Variants in GABRB1 observed in about 807,000 individuals in gnomAD.
The protein encoded by GABRB1 is gamma-aminobutyric acid receptor subunit beta-1.
Under a neutral mutation model 51.6 loss-of-function variants are expected in GABRB1, and 17 were observed. That is an observed-to-expected ratio of 0.33 (90% CI 0.23 to 0.49). The LOEUF (loss-of-function observed/expected upper bound fraction) is 0.49. Among genes scored for constraint, GABRB1 ranks in the 20% least tolerant of loss-of-function variants. The pLI is 0.99. For synonymous variants in GABRB1, 247 were observed against 218.9 expected (o/e 1.13, Z -1.14); for missense variants, 410 against 600.6 (o/e 0.68, Z 3.32).
Position 47,064,493 on chromosome 4 carries a change from C to A in GABRB1, c.240+32009C>A, listed in dbSNP as rs137898034. 8.6e-3 allele frequency among the ~76,000 whole-genome samples: 1,309 copies of A among 151,898 alleles called. 72 individuals are homozygous for A. Among genetic ancestry groups the A allele is most frequent in the Admixed American group, 0.073 (1,110 of 15,246 alleles). On this transcript the variant is annotated intron_variant, in intron 3 of 8. Transcript: ENST00000295454. ...CTACTACAAATACAAAAAAAATTAG[C>A]CAGGAGTGGTGGCACATGCCTGTAA...
chr4:47,155,578 G>A (rs1266979944), intron 3 of GABRB1, among the ~76,000 whole-genome samples: 1 of 151,702 alleles, frequency 6.6e-6, no homozygotes, highest in Non-Finnish European at 1.5e-5. Context: ...CAGACTATGG[G>A]GGCAGTGAAC....
At chr4:47,086,903 C>T (rs1020512544) in intron 3 of GABRB1, among the ~76,000 whole-genome samples, 1 of 152,182 alleles carries the variant, frequency 6.6e-6, no homozygotes, top group Admixed American at 6.5e-5. Context: ...ACTCATTCTC[C>T]TAATTCTGCT....
At chr4:47,036,457 G>C (rs991380541) in intron 3 of GABRB1, among the ~76,000 whole-genome samples, 1 of 152,152 alleles carries the variant, frequency 6.6e-6, no homozygotes, top group Non-Finnish European at 1.5e-5. Context: ...TTCCAAATCA[G>C]AGGTGTGGGA....
At chr4:47,157,721 G>A (rs1433385412) in intron 3 of GABRB1, among the ~76,000 whole-genome samples, 3 of 151,994 alleles carry the variant, frequency 2.0e-5, no homozygotes, top group African/African-American at 7.2e-5. Flanking sequence ...GTGTATTTTA[G>A]TCCTTCCATA....
chr4:47,120,548 T>G (rs1252644259), intron 3 of GABRB1, among the ~76,000 whole-genome samples: 1 of 152,134 alleles, frequency 6.6e-6, no homozygotes, highest in Non-Finnish European at 1.5e-5. Context: ...ATGGAGTCTC[T>G]CCTCATAATC....
chr4:47,089,411 A>G (rs1217606821), intron 3 of GABRB1, among the ~76,000 whole-genome samples: 2 of 152,190 alleles, frequency 1.3e-5, no homozygotes, highest in Non-Finnish European at 2.9e-5. Context: ...AAAGTGGTCT[A>G]TGTGTCAACA....
At chr4:47,052,566 T>C (rs1418233542) in intron 3 of GABRB1, among the ~76,000 whole-genome samples, 1 of 152,234 alleles carries the variant, frequency 6.6e-6, no homozygotes, top group Non-Finnish European at 1.5e-5. Flanking sequence ...ACAGTGTGCC[T>C]TAAGACCCAT....
In GABRB1 at chr4:47,004,371, C is replaced by T. The variant is rs193241580; in HGVS notation, c.-20+10445C>T. Among the ~76,000 whole-genome samples the T allele has an allele frequency of 3.3e-5, 5 of 152,176 alleles. No homozygotes were observed. In the East Asian group the frequency reaches 5.8e-4, roughly 18 times the overall value. On this transcript the variant is annotated intron_variant, in intron 1 of 3. Coordinates refer to the GABRB1 transcript ENST00000513567. ...CTAGGCATTGATTCTAAGAAAATGA[C>T]GAGACACTTATGTCAAGATTATAGG... is the stretch of plus-strand genomic sequence containing the variant.
chr4:47,288,636 T>TTAG (rs1240660736), intron 4 of GABRB1, among the ~76,000 whole-genome samples: 3 of 152,214 alleles, frequency 2.0e-5, no homozygotes, highest in African/African-American at 7.2e-5. Flanking sequence ...ACTGGGATGT[T>TTAG]TAGTGATTTG....
chr4:47,292,037 G>T (rs1222256721), intron 4 of GABRB1, among the ~76,000 whole-genome samples: 2 of 152,158 alleles, frequency 1.3e-5, no homozygotes, highest in Non-Finnish European at 2.9e-5. Flanking sequence ...GAATGATAAG[G>T]TTTGGTTTTG....
intron 5 of GABRB1, among the ~76,000 whole-genome samples, chr4:47,402,147 A>G (rs1001110335): frequency 6.6e-6 from 1 of 152,200 alleles, no homozygotes; most frequent in Non-Finnish European, 1.5e-5. Context: ...GTGGGGAAAA[A>G]TAGCTTAAAA....
chr4:47,191,045 C>T (rs1337286768), intron 4 of GABRB1, among the ~76,000 whole-genome samples: 1 of 152,080 alleles, frequency 6.6e-6, no homozygotes, highest in Non-Finnish European at 1.5e-5. Context: ...CCCAGCAAAG[C>T]ATTTATGGTC....
At chr4:47,286,949 C>T (rs1397511827) in intron 4 of GABRB1, among the ~76,000 whole-genome samples, 1 of 152,188 alleles carries the variant, frequency 6.6e-6, no homozygotes, top group Non-Finnish European at 1.5e-5. Context: ...CCCGCATGTG[C>T]TCTTCCCAAT....
chr4:47,130,375 G>GTGTGTGTGTGTGTGTGTA (rs1284041714), intron 3 of GABRB1, among the ~76,000 whole-genome samples: 2 of 83,034 alleles, frequency 2.4e-5, no homozygotes, highest in African/African-American at 8.3e-5. Context: ...GTGTGTGTGT[G>GTGTGTGTGTGTGTGTGTA]TGTGCTTTCT....
At position 47,425,679 on chromosome 4, in the gene GABRB1, C is replaced by T. The variant is rs747022227; in HGVS notation, c.1086C>T (p.Asp362=). ...NKLEMNKVQV[D]AHGNILLSTL... ...CCTGTTCTTTTTGCCATCAGGTCGA[C>T]GCCCACGGTAACATTCTCCTCAGCA... The change falls in exon 9 of 9, where the codon GAC becomes GAT. Residue 362 remains aspartate, a synonymous_variant. Transcript: ENST00000295454. 2 of 1,593,356 alleles carry T rather than the reference C, an allele frequency of 1.3e-6. No homozygotes were observed. Among genetic ancestry groups the T allele is most frequent in the Non-Finnish European group, 1.7e-6 (2 of 1,168,732 alleles).
At chr4:47,175,310 G>T (rs1267575627) in intron 4 of GABRB1, among the ~76,000 whole-genome samples, 3 of 151,610 alleles carry the variant, frequency 2.0e-5, no homozygotes, top group Non-Finnish European at 4.4e-5. Flanking sequence ...CTCTGCCTTG[G>T]CCTCCCCAGA....
At chr4:47,289,850 G>T (rs910951631) in intron 4 of GABRB1, among the ~76,000 whole-genome samples, 1 of 152,116 alleles carries the variant, frequency 6.6e-6, no homozygotes, top group African/African-American at 2.4e-5. Context: ...ACTATGTTAT[G>T]GCATTTCATT....
At chr4:47,140,219 G>A (rs1200696002) in intron 3 of GABRB1, among the ~76,000 whole-genome samples, 1 of 151,598 alleles carries the variant, frequency 6.6e-6, no homozygotes, top group African/African-American at 2.4e-5. Context: ...TATAATGTAT[G>A]TTGTAATTTT....
intron 1 of GABRB1, among the ~76,000 whole-genome samples, chr4:46,998,659 G>A (rs560837035): frequency 1.1e-4 from 16 of 151,218 alleles, no homozygotes; most frequent in South Asian, 4.2e-4. Flanking sequence ...GAGTGAACCC[G>A]GGAGGCGGAG....
Sources: allele counts gnomAD v4.1 joint callset (sites outside exome capture counted in the v4.1 genomes callset), GRCh38; gene constraint gnomAD v4.1.1; transcripts MANE v1.5; gene names NCBI Gene and HGNC (gene_info 2026-07-23, HGNC 2026-07-21).